LGSN: variants seen among roughly 807,000 people sequenced by gnomAD.
LGSN encodes lengsin.
Under a neutral mutation model 19.5 loss-of-function variants are expected in LGSN, and 21 were observed. The observed-to-expected ratio is 1.07, with a 90% CI of 0.76 to 1.55. The LOEUF (loss-of-function observed/expected upper bound fraction) is 1.55, where lower values mean the gene tolerates loss of function less well. Among genes scored for constraint, LGSN ranks in the 40% most tolerant of loss-of-function variants. The probability of loss-of-function intolerance (pLI) is 0.00; values close to 1 mark genes in which losing one functional copy is unlikely to be tolerated. For missense variants in LGSN, 673 were observed against 608.5 expected (o/e 1.11, Z -1.12); for synonymous variants, 257 against 215.6 (o/e 1.19, Z -1.68).
the LGSN span, chr6:63,572,822 C>T: frequency 1.3e-5 from 5 of 396,008 alleles, no homozygotes; most frequent in Non-Finnish European, 1.8e-5. Flanking sequence ...CTCCAGGTTG[C>T]CCCGGGTTGC....
the LGSN span, among the ~76,000 whole-genome samples, chr6:63,330,967 C>G: frequency 6.6e-6 from 1 of 152,198 alleles, no homozygotes; most frequent in African/African-American, 2.4e-5. Flanking sequence ...GAAAACTTCC[C>G]CAGGTCTGCC....
intron 1 of LGSN, among the ~76,000 whole-genome samples, chr6:63,313,863 AATAAATACATACATAC>A (rs1768731707): frequency 6.6e-6 from 1 of 150,466 alleles, no homozygotes; most frequent in African/African-American, 2.5e-5. Flanking sequence ...TAAATAAATA[AATAAATACATACATAC>A]ATACATACAT....
chr6:63,342,895 A>G, the LGSN span, among the ~76,000 whole-genome samples: 6 of 152,186 alleles, frequency 3.9e-5, no homozygotes, highest in African/African-American at 1.4e-4. Flanking sequence ...TGTCACACTG[A>G]CCATTAACCA....
the LGSN span, chr6:63,572,402 C>A: frequency 5.8e-6 from 2 of 342,896 alleles, no homozygotes; most frequent in Admixed American, 4.8e-5. Context: ...TCCTGGCCCG[C>A]GGTTCCAGGC....
the LGSN span, among the ~76,000 whole-genome samples, chr6:63,508,099 A>G: frequency 6.6e-6 from 1 of 152,354 alleles, no homozygotes; most frequent in East Asian, 1.9e-4. Flanking sequence ...CTAGTTCAAG[A>G]GTAAAATCAC....
chr6:63,416,725 G>A, the LGSN span, among the ~76,000 whole-genome samples: 62 of 150,776 alleles, frequency 4.1e-4, no homozygotes, highest in African/African-American at 1.4e-3. Context: ...CCACCACCAC[G>A]CCCGGCTAAT....
At chr6:63,291,133 C>T (rs1291056896) in intron 2 of LGSN, among the ~76,000 whole-genome samples, 2 of 152,186 alleles carry the variant, frequency 1.3e-5, no homozygotes, top group Non-Finnish European at 2.9e-5. Flanking sequence ...TGCACTCAAA[C>T]CACTTATGGG....
the LGSN span, among the ~76,000 whole-genome samples, chr6:63,367,395 C>T: frequency 6.6e-6 from 1 of 152,088 alleles, no homozygotes; most frequent in Admixed American, 6.5e-5. Flanking sequence ...AATGAGATAC[C>T]ATCTCACACC....
chr6:63,482,851 C>G, the LGSN span, among the ~76,000 whole-genome samples: 2 of 152,136 alleles, frequency 1.3e-5, no homozygotes, highest in African/African-American at 4.8e-5. Flanking sequence ...TAGGCGCGCA[C>G]CACCATGCCC....
the LGSN span, among the ~76,000 whole-genome samples, chr6:63,563,900 A>C: frequency 6.6e-6 from 1 of 152,238 alleles, no homozygotes; most frequent in Non-Finnish European, 1.5e-5. Flanking sequence ...TTATGTGGGA[A>C]AGTAATATGA....
the LGSN span, chr6:63,549,578 A>T: frequency 2.9e-4 from 160 of 557,500 alleles, no homozygotes; most frequent in Middle Eastern, 9.6e-4. Context: ...TTTTTTTTTT[A>T]AAGAAAACCT....
the LGSN span, among the ~76,000 whole-genome samples, chr6:63,468,575 G>A: frequency 4.7e-5 from 7 of 150,302 alleles, no homozygotes; most frequent in South Asian, 8.5e-4. Flanking sequence ...TTACAGGTGC[G>A]TGCCACCACA....
intron 1 of LGSN, 116 bp downstream of exon 1, chr6:63,319,798 A>G (rs1372763578): frequency 4.1e-6 from 3 of 737,150 alleles, no homozygotes; most frequent in Non-Finnish European, 7.3e-6. Flanking sequence ...GAGTGGACAT[A>G]TAACAAGTAT....
At position 63,280,772 on chromosome 6, in the gene LGSN, G is replaced by A. The variant is rs1340485267; in HGVS notation, c.779C>T (p.Ser260Phe). The A allele has an allele frequency of 1.2e-6, 2 of 1,614,152 alleles. No homozygotes were observed. The highest frequency in any genetic ancestry group is 1.7e-6 in the Non-Finnish European group (2 of 1,180,020). Residue 260 changes from serine (S) to phenylalanine (F), a missense_variant, in exon 4 of 4, where the codon TCT becomes TTT. Physicochemically the swap from Ser to Phe is radical, Grantham distance 155. Coordinates refer to ENST00000370657, the MANE Select transcript of LGSN (RefSeq NM_016571.3). ...GATTTCCATCTGACCAGGCCTGGTAGAGGAGGAAAAACTCTCGACATTGGC... is the reference window on the plus strand; with the variant it reads ...GATTTCCATCTGACCAGGCCTGGTAAAGGAGGAAAAACTCTCGACATTGGC... The part of the protein sequence containing the change: ...TGANVESFSS[S>F]TRPGQMEISF...
chr6:63,310,044 C>T (rs1768560481), intron 1 of LGSN, among the ~76,000 whole-genome samples: 1 of 152,210 alleles, frequency 6.6e-6, no homozygotes, highest in Non-Finnish European at 1.5e-5. Context: ...AGGCTCTCAA[C>T]AATCTCTCCA....
the LGSN span, among the ~76,000 whole-genome samples, chr6:63,399,875 A>AT: frequency 1.3e-5 from 2 of 151,542 alleles, no homozygotes; most frequent in South Asian, 2.1e-4. Flanking sequence ...TTTTTTATTT[A>AT]TTTTTTGTAG....
the LGSN span, among the ~76,000 whole-genome samples, chr6:63,432,154 A>G: frequency 8.3e-6 from 1 of 120,386 alleles, no homozygotes; most frequent in African/African-American, 3.5e-5. Context: ...AGAAAGAAAG[A>G]AAGAAAGAAA....
At chr6:63,323,559 T>C (rs202100079), upstream of LGSN, among the ~76,000 whole-genome samples, 1,024 of 132,776 alleles carry the variant, frequency 7.7e-3, 9 homozygotes, top group East Asian at 0.019. Flanking sequence ...AAACCTCATA[T>C]ACACACACAC....
the LGSN span, among the ~76,000 whole-genome samples, chr6:63,563,150 C>T: frequency 6.6e-6 from 1 of 152,202 alleles, no homozygotes; most frequent in Non-Finnish European, 1.5e-5. Context: ...TAAAATAATT[C>T]TACTCTAGGG....
Sources: gnomAD v4.1 joint callset for allele counts (sites outside exome capture counted in the v4.1 genomes callset) on GRCh38, gnomAD v4.1.1 for gene constraint, MANE v1.5 for transcripts, NCBI Gene and HGNC (gene_info 2026-07-23, HGNC 2026-07-21) for gene names.